The following RBFOX3 variants were observed in gnomAD, a reference collection of about 807,000 sequenced individuals.
RBFOX3 encodes the protein RNA binding protein fox-1 homolog 3.
RBFOX3 carries 17 observed loss-of-function variants against 48.7 expected under a neutral mutation model. That is an observed-to-expected ratio of 0.35 (90% CI 0.24 to 0.52). The LOEUF (loss-of-function observed/expected upper bound fraction) is 0.52. RBFOX3 is among the 20% of genes least tolerant of loss of function. The probability of loss-of-function intolerance (pLI) is 0.94; values close to 1 mark genes in which losing one functional copy is unlikely to be tolerated. For missense variants in RBFOX3, 382 were observed against 497.5 expected, an observed-to-expected ratio of 0.77 and a Z score of 2.21; for synonymous variants, 212 against 209.5, an observed-to-expected ratio of 1.01 and a Z score of -0.10.
At chr17:79,128,240 C>T (rs945402113) in intron 4 of RBFOX3, among the ~76,000 whole-genome samples, 22 of 152,208 alleles carry the variant, frequency 1.4e-4, no homozygotes, top group African/African-American at 4.8e-4. Context: ...AGGCTGGGCA[C>T]GTCCTCCTGG....
intron 2 of RBFOX3, among the ~76,000 whole-genome samples, chr17:79,309,443 C>T (rs2076542517): frequency 1.3e-5 from 2 of 152,116 alleles, no homozygotes; most frequent in South Asian, 2.1e-4. Context: ...CTCCCTCTGC[C>T]CCACCCATGG....
rs1316198934 is a variant in RBFOX3, at chr17:79,555,338, T to C, written c.-320+55488A>G. On this transcript the variant is annotated intron_variant, in intron 1 of 14. Coordinates refer to ENST00000693108, the MANE Select transcript of RBFOX3 (RefSeq NM_001350451.2). ...GTGGTGGTGGTGATGGTGGTGATGATGGTAGTTGTGGTGGTGGTGATGGTG... is the reference window on the plus strand; with the variant it reads ...GTGGTGGTGGTGATGGTGGTGATGACGGTAGTTGTGGTGGTGGTGATGGTG... Among the ~76,000 whole-genome samples the C allele has an allele frequency of 1.9e-3, 139 of 73,998 alleles. 24 individuals carry two copies. The highest frequency in any genetic ancestry group is 8.7e-3 in the African/African-American group (132 of 15,128). 48.5% of individuals were successfully genotyped at this position (73,998 alleles called of 152,430 possible). A position where few individuals can be genotyped will look rare whatever the true frequency, so the allele number is the denominator to read the frequency against.
intron 3 of RBFOX3, among the ~76,000 whole-genome samples, chr17:79,241,942 T>C (rs1246107316): frequency 2.0e-5 from 3 of 152,240 alleles, no homozygotes; most frequent in Non-Finnish European, 2.9e-5. Flanking sequence ...TCTCCAGATA[T>C]CATCCCTTAG....
intron 4 of RBFOX3, among the ~76,000 whole-genome samples, chr17:79,146,373 G>T (rs74328862): frequency 6.6e-6 from 1 of 152,200 alleles, no homozygotes; most frequent in Non-Finnish European, 1.5e-5. Context: ...CCCAGGGGCC[G>T]GCAGGCCCCC....
intron 2 of RBFOX3, among the ~76,000 whole-genome samples, chr17:79,429,213 C>T (rs960613035): frequency 3.2e-4 from 48 of 152,352 alleles, no homozygotes; most frequent in African/African-American, 1.1e-3. Context: ...CAGAGCTGGG[C>T]GAGACCTTGG....
At chr17:79,549,737 G>A (rs1364391358) in intron 1 of RBFOX3, among the ~76,000 whole-genome samples, 1 of 152,216 alleles carries the variant, frequency 6.6e-6, no homozygotes, top group Non-Finnish European at 1.5e-5. Flanking sequence ...CTCTGGGAAA[G>A]GAATCTGACT....
At chr17:79,339,755 G>C (rs1368531792) in intron 2 of RBFOX3, among the ~76,000 whole-genome samples, 1 of 152,176 alleles carries the variant, frequency 6.6e-6, no homozygotes, top group East Asian at 1.9e-4. Flanking sequence ...TCCTCATTTT[G>C]GTCCTAACCT....
intron 2 of RBFOX3, among the ~76,000 whole-genome samples, chr17:79,428,668 T>G (rs1457147340): frequency 1.3e-5 from 2 of 152,110 alleles, no homozygotes; most frequent in African/African-American, 4.8e-5. Context: ...TCCACACCCC[T>G]GCTGATAGAA....
At chr17:79,570,021 T>C (rs2092612124) in intron 1 of RBFOX3, among the ~76,000 whole-genome samples, 1 of 150,444 alleles carries the variant, frequency 6.6e-6, no homozygotes, top group African/African-American at 2.5e-5. Context: ...AGATGGATGG[T>C]ATATGAACAG....
At chr17:79,573,201 G>A (rs1315288022) in intron 1 of RBFOX3, among the ~76,000 whole-genome samples, 2 of 152,286 alleles carry the variant, frequency 1.3e-5, no homozygotes, top group Admixed American at 1.3e-4. Flanking sequence ...ACCCTCTCCA[G>A]AGCGCAGCAG....
At chr17:79,629,430 T>A in the RBFOX3 span, among the ~76,000 whole-genome samples, 1 of 151,996 alleles carries the variant, frequency 6.6e-6, no homozygotes, top group Non-Finnish European at 1.5e-5. Context: ...GCAAAGCAAA[T>A]CAAAACAAAA....
rs1240776305 is a variant in RBFOX3 at position 79,204,247 on chromosome 17, A to C, written c.-34+31519T>G. Among the ~76,000 whole-genome samples, 1 of 152,202 alleles carries C rather than the reference A, an allele frequency of 6.6e-6. No individual in the cohort carries two copies. Among genetic ancestry groups the C allele is most frequent in the Non-Finnish European group, 1.5e-5 (1 of 68,028 alleles). The stretch of plus-strand genomic sequence containing the variant: ...AACAGCCACACACCCAAAAAGCTCC[A>C]AGACCCAGTGGATACACACCAGTGG... On this transcript the variant is annotated intron_variant, in intron 4 of 14. Coordinates refer to ENST00000693108, the MANE Select transcript of RBFOX3 (RefSeq NM_001350451.2). The surrounding 1 kb of genome is among the most constrained non-coding windows in gnomAD (Gnocchi z 4.5).
rs139572477 is a variant in RBFOX3, at chr17:79,228,188, G to C, written c.-34+7578C>G. Among the ~76,000 whole-genome samples the C allele has an allele frequency of 5.7e-3, 863 of 152,218 alleles. 9 individuals carry two copies. The highest frequency in any genetic ancestry group is 0.015 in the South Asian group (71 of 4,826). ...GATTGTGTCAAGACCTCACTATCTC[G>C]CCTCTCCTCCCTGGCGCTATCCGTG... On this transcript the variant is annotated intron_variant, in intron 4 of 14. Coordinates refer to ENST00000693108, the MANE Select transcript of RBFOX3 (RefSeq NM_001350451.2).
At chr17:79,120,778 A>G (rs2035536512) in intron 4 of RBFOX3, among the ~76,000 whole-genome samples, 1 of 151,928 alleles carries the variant, frequency 6.6e-6, no homozygotes, top group South Asian at 2.1e-4. Context: ...GGATGGATAG[A>G]CGGATGAGTT....
chr17:79,647,878 G>A, the RBFOX3 span, among the ~76,000 whole-genome samples: 1 of 152,138 alleles, frequency 6.6e-6, no homozygotes, highest in Non-Finnish European at 1.5e-5. Context: ...GAGCCCACCT[G>A]GGGGTGGAGT....
intron 4 of RBFOX3, among the ~76,000 whole-genome samples, chr17:79,194,136 C>T (rs1209132511): frequency 2.6e-5 from 4 of 152,190 alleles, no homozygotes; most frequent in African/African-American, 9.7e-5. Context: ...ACCAATGTTG[C>T]TCTCCTTTCA....
intron 3 of RBFOX3, among the ~76,000 whole-genome samples, chr17:79,258,672 CAAGA>C (rs143918795): frequency 0.013 from 1,949 of 152,294 alleles, 32 homozygotes; most frequent in African/African-American, 0.041. Flanking sequence ...GTGCACCCAG[CAAGA>C]GAGATGGACA....
chr17:79,608,130 C>T (rs1599282772), intron 1 of RBFOX3, among the ~76,000 whole-genome samples: 3 of 152,196 alleles, frequency 2.0e-5, no homozygotes, highest in Admixed American at 1.3e-4. Flanking sequence ...GTGGAGGCCC[C>T]GGCCCTGTCC....
At chr17:79,588,974 C>CGAGTTTTTATTCCAATCCTTAA (rs2093338897) in intron 1 of RBFOX3, among the ~76,000 whole-genome samples, 1 of 137,326 alleles carries the variant, frequency 7.3e-6, no homozygotes, top group Admixed American at 7.2e-5. Context: ...GGACCTGGGC[C>CGAGTTTTTATTCCAATCCTTAA]ATATAGTGAG....
Sources: allele counts gnomAD v4.1 joint callset (sites outside exome capture counted in the v4.1 genomes callset), GRCh38; gene constraint gnomAD v4.1.1; non-coding constraint Gnocchi (gnomAD v3.1); transcripts MANE v1.5; gene names NCBI Gene and HGNC (gene_info 2026-07-23, HGNC 2026-07-21).